Variants in TENM2 observed in about 807,000 individuals in gnomAD.
The protein encoded by TENM2 is teneurin transmembrane protein 2.
TENM2 carries 52 observed loss-of-function variants against 245.2 expected under a neutral mutation model. That is an observed-to-expected ratio of 0.21 (90% CI 0.17 to 0.27). The LOEUF (loss-of-function observed/expected upper bound fraction) is 0.27, where lower values mean the gene tolerates loss of function less well. Among genes scored for constraint, TENM2 ranks in the 10% least tolerant of loss-of-function variants. TENM2 has a pLI of 1.00. For synonymous variants in TENM2, 1,363 were observed against 1,438.9 expected, an observed-to-expected ratio of 0.95 and a Z score of 1.19; for missense variants, 3,046 against 3,666.8, an observed-to-expected ratio of 0.83 and a Z score of 4.37.
intron 2 of TENM2, among the ~76,000 whole-genome samples, chr5:167,460,232 T>C (rs1766212014): frequency 6.6e-6 from 1 of 152,182 alleles, no homozygotes. Flanking sequence ...CTAAAGCGCA[T>C]CATCCAATGT....
the TENM2 span, among the ~76,000 whole-genome samples, chr5:167,243,363 C>G: frequency 6.6e-6 from 1 of 152,118 alleles, no homozygotes; most frequent in Non-Finnish European, 1.5e-5. Context: ...GGTCAGGTTC[C>G]TGCAGGATTT....
Position 168,198,686 on chromosome 5 carries a change from G to A in TENM2, c.2901-167G>A, listed in dbSNP as rs551182255. On this transcript the variant is annotated intron_variant, in intron 15 of 28. Coordinates refer to ENST00000518659, the Ensembl canonical transcript of TENM2. ...TTAGTAACTTGCCCATTGCCACTCAGCTAGTAAGTGATAGAGTTTGGGTTC... is the reference window on the plus strand; with the variant it reads ...TTAGTAACTTGCCCATTGCCACTCAACTAGTAAGTGATAGAGTTTGGGTTC... Among the ~76,000 whole-genome samples the A allele has an allele frequency of 5.3e-5, 8 of 152,270 alleles. No homozygotes were observed. In the South Asian group the frequency reaches 1.7e-3, roughly 32 times the overall value.
chr5:167,645,650 A>G (rs1468536474), intron 2 of TENM2, among the ~76,000 whole-genome samples: 1 of 151,928 alleles, frequency 6.6e-6, no homozygotes, highest in Non-Finnish European at 1.5e-5. Context: ...GCACTTTTAA[A>G]GGATGCTTTT....
chr5:167,149,986 AAAGG>A, the TENM2 span, among the ~76,000 whole-genome samples: 2 of 152,176 alleles, frequency 1.3e-5, no homozygotes, highest in African/African-American at 4.8e-5. Context: ...TGAAAAGATA[AAAGG>A]AAGGAAGGAA....
chr5:167,515,285 T>C (rs147399129), intron 2 of TENM2, among the ~76,000 whole-genome samples: 82 of 152,262 alleles, frequency 5.4e-4, no homozygotes, highest in African/African-American at 1.9e-3. Flanking sequence ...GTTTCTACTG[T>C]CTACAGCATG....
At chr5:168,068,201 G>T (rs1173357002) in intron 7 of TENM2, among the ~76,000 whole-genome samples, 1 of 152,130 alleles carries the variant, frequency 6.6e-6, no homozygotes, top group Non-Finnish European at 1.5e-5. Flanking sequence ...AAGAGAACCG[G>T]TGTGAAGGGT....
intron 4 of TENM2, among the ~76,000 whole-genome samples, chr5:167,991,303 A>C (rs1328035539): frequency 6.6e-6 from 1 of 152,216 alleles, no homozygotes; most frequent in Non-Finnish European, 1.5e-5. Flanking sequence ...TCATTCACTC[A>C]TTCATTCACT....
At chr5:167,516,554 C>G (rs922273032) in intron 2 of TENM2, among the ~76,000 whole-genome samples, 20 of 152,078 alleles carry the variant, frequency 1.3e-4, no homozygotes, top group African/African-American at 4.8e-4. Context: ...TGCATATATA[C>G]AAAGACGTGG....
At chr5:167,639,602 G>T (rs1009044149) in intron 2 of TENM2, among the ~76,000 whole-genome samples, 3 of 152,054 alleles carry the variant, frequency 2.0e-5, no homozygotes, top group African/African-American at 4.8e-5. Flanking sequence ...ATCATTTTAT[G>T]TAGATGGCTC....
chr5:167,907,290 T>G (rs1776166093), intron 3 of TENM2, among the ~76,000 whole-genome samples: 1 of 151,244 alleles, frequency 6.6e-6, no homozygotes, highest in African/African-American at 2.4e-5. Context: ...CATAGCAACT[T>G]AAAAGAGTAC....
In TENM2 at chr5:167,488,954, G is replaced by A. The variant is rs371567630; in HGVS notation, c.502+113481G>A. Among the ~76,000 whole-genome samples the A allele has an allele frequency of 1.8e-4, 27 of 152,184 alleles. No homozygotes were observed. In the South Asian group the frequency reaches 5.0e-3, roughly 28 times the overall value. On this transcript the variant is annotated intron_variant, in intron 2 of 28. Coordinates refer to ENST00000518659, the Ensembl canonical transcript of TENM2. ...GTGGTCCTTGATTTGTGCCCTGTCT[G>A]CCTGCCACCACTTCATATCCAATTC...
intron 12 of TENM2, among the ~76,000 whole-genome samples, chr5:168,153,420 A>T (rs1562222841): frequency 6.6e-6 from 1 of 152,226 alleles, no homozygotes; most frequent in Admixed American, 6.5e-5. Flanking sequence ...CTATAAAAGC[A>T]TGCAATGGAG....
intron 2 of TENM2, among the ~76,000 whole-genome samples, chr5:167,707,221 T>G (rs1473399077): frequency 2.6e-5 from 4 of 152,104 alleles, no homozygotes. Flanking sequence ...TTTGGAGAAA[T>G]ATCTATTCAG....
At chr5:168,148,020 G>A (rs1380062243) in intron 12 of TENM2, among the ~76,000 whole-genome samples, 1 of 152,178 alleles carries the variant, frequency 6.6e-6, no homozygotes, top group African/African-American at 2.4e-5. Flanking sequence ...TTCCATCCAC[G>A]AGGATTATCG....
the TENM2 span, among the ~76,000 whole-genome samples, chr5:167,244,516 T>A: frequency 1.1e-4 from 16 of 152,290 alleles, no homozygotes; most frequent in Admixed American, 4.6e-4. Context: ...CCCAGAAATA[T>A]AGCTGTGTTC....
At chr5:167,755,294 G>A in intron 2 of TENM2, 1 of 755,422 alleles carries the variant, frequency 1.3e-6, no homozygotes. Context: ...GGATACCAAG[G>A]GAGAGATGGG....
At chr5:167,868,471 GCTCACGC>G (rs1335281405) in intron 2 of TENM2, among the ~76,000 whole-genome samples, 1 of 151,962 alleles carries the variant, frequency 6.6e-6, no homozygotes, top group Non-Finnish European at 1.5e-5. Context: ...GGGTGCAGTG[GCTCACGC>G]CTGTAATCCC....
At chr5:167,572,543 G>A (rs1263065495) in intron 2 of TENM2, among the ~76,000 whole-genome samples, 1 of 152,106 alleles carries the variant, frequency 6.6e-6, no homozygotes, top group African/African-American at 2.4e-5. Context: ...TTTTAGCTCT[G>A]CTTACCATGA....
the TENM2 span, among the ~76,000 whole-genome samples, chr5:167,102,119 A>G: frequency 1.3e-5 from 2 of 150,568 alleles, no homozygotes; most frequent in South Asian, 2.1e-4. Flanking sequence ...TCAGCTACTC[A>G]GGGGGCTGAG....
Sources: allele counts gnomAD v4.1 joint callset (sites outside exome capture counted in the v4.1 genomes callset), GRCh38; gene constraint gnomAD v4.1.1; transcripts MANE v1.5; gene names NCBI Gene and HGNC (gene_info 2026-07-23, HGNC 2026-07-21).